The following TTC39B variants were observed in gnomAD, a reference collection of about 807,000 sequenced individuals.
TTC39B encodes tetratricopeptide repeat protein 39B.
Under a neutral mutation model 96.6 loss-of-function variants are expected in TTC39B, and 92 were observed. That is an observed-to-expected ratio of 0.95 (90% confidence interval 0.80 to 1.13). The LOEUF (loss-of-function observed/expected upper bound fraction) is 1.13. TTC39B is among the 50% of genes most tolerant of loss of function. The pLI, the probability that TTC39B is intolerant of heterozygous loss-of-function variation, is 0.00. For missense variants in TTC39B, 955 were observed against 809.3 expected, an observed-to-expected ratio of 1.18 and a Z score of -2.18; for synonymous variants, 367 against 299.4, an observed-to-expected ratio of 1.23 and a Z score of -2.33.
chr9:15,240,914 T>G (rs12377170), intron 2 of TTC39B, among the ~76,000 whole-genome samples: 26,802 of 152,214 alleles, frequency 0.18, 2,476 homozygotes, highest in Non-Finnish European at 0.21. Context: ...TGAACTGCTT[T>G]CAAACTTATT....
At chr9:15,265,862 T>G (rs994243998) in intron 2 of TTC39B, among the ~76,000 whole-genome samples, 1 of 152,102 alleles carries the variant, frequency 6.6e-6, no homozygotes, top group African/African-American at 2.4e-5. Context: ...CAATCTCAAT[T>G]AAGGGCCATT....
chr9:15,237,025 A>G (rs1210549795), intron 2 of TTC39B, among the ~76,000 whole-genome samples: 1 of 152,154 alleles, frequency 6.6e-6, no homozygotes, highest in Admixed American at 6.5e-5. Context: ...GCAAGGACTC[A>G]ATAAACTGGC....
intron 1 of TTC39B, among the ~76,000 whole-genome samples, chr9:15,274,000 A>T (rs991003331): frequency 6.6e-6 from 1 of 152,210 alleles, no homozygotes; most frequent in Non-Finnish European, 1.5e-5. Flanking sequence ...GACTGACATC[A>T]GAAGCATTAT....
chr9:15,290,995 G>C (rs751478859), intron 1 of TTC39B, among the ~76,000 whole-genome samples: 2 of 152,214 alleles, frequency 1.3e-5, no homozygotes, highest in Non-Finnish European at 2.9e-5. Flanking sequence ...AGCTGGGCGT[G>C]TTTAAGTGTA....
At chr9:15,227,742 A>AT (rs1821203376) in intron 2 of TTC39B, among the ~76,000 whole-genome samples, 1 of 152,088 alleles carries the variant, frequency 6.6e-6, no homozygotes, top group African/African-American at 2.4e-5. Flanking sequence ...TTACAGACTC[A>AT]TTTTCGAGGG....
intron 1 of TTC39B, among the ~76,000 whole-genome samples, chr9:15,283,788 T>C (rs1470831916): frequency 6.6e-6 from 1 of 152,128 alleles, no homozygotes; most frequent in Admixed American, 6.5e-5. Flanking sequence ...ATTTAATAAC[T>C]GATGCTAAGG....
At chr9:15,288,133 C>A (rs531883086) in intron 1 of TTC39B, among the ~76,000 whole-genome samples, 4 of 151,952 alleles carry the variant, frequency 2.6e-5, no homozygotes, top group Non-Finnish European at 4.4e-5. Context: ...AAAAGCATAC[C>A]AAGAATCTCA....
intron 2 of TTC39B, among the ~76,000 whole-genome samples, chr9:15,229,675 C>G (rs1821316921): frequency 6.6e-6 from 1 of 152,184 alleles, no homozygotes; most frequent in South Asian, 2.1e-4. Flanking sequence ...TCTGCAATCT[C>G]TTACACACAG....
intron 13 of TTC39B, 41 bp from the exon 14 acceptor site, chr9:15,188,173 A>G (rs1818644973): frequency 1.6e-5 from 24 of 1,532,102 alleles, no homozygotes; most frequent in Non-Finnish European, 2.0e-5. Context: ...CAGATATTAG[A>G]CAAGGAGATA....
intron 1 of TTC39B, among the ~76,000 whole-genome samples, chr9:15,279,627 G>T (rs1459368519): frequency 6.6e-6 from 1 of 152,188 alleles, no homozygotes; most frequent in Non-Finnish European, 1.5e-5. Flanking sequence ...AGAAAGATGA[G>T]TTATTATCAC....
At chr9:15,278,667 G>GT (rs1163918248) in intron 1 of TTC39B, among the ~76,000 whole-genome samples, 8 of 152,188 alleles carry the variant, frequency 5.3e-5, no homozygotes, top group Admixed American at 3.3e-4. Context: ...ACCATCACCA[G>GT]TGGAGGTATT....
intron 3 of TTC39B, among the ~76,000 whole-genome samples, chr9:15,220,290 C>G (rs537360395): frequency 4.2e-4 from 64 of 152,278 alleles, no homozygotes; most frequent in Non-Finnish European, 7.5e-4. Context: ...AGTCCAGAAT[C>G]TCAGAAGCAA....
At position 15,285,036 on chromosome 9, in the gene TTC39B, C is replaced by T. The variant is rs1353572185; in HGVS notation, c.241-17088G>A. 3.3e-5 allele frequency among the ~76,000 whole-genome samples: 5 copies of T among 152,104 alleles called. No homozygotes were observed. The East Asian group carries it at 7.7e-4, about 24-fold the overall frequency. On this transcript the variant is annotated intron_variant, in intron 1 of 19. Transcript: ENST00000512701. The stretch of plus-strand genomic sequence containing the variant: ...CAGCACTTTGGGAGGCCGAGGCGAG[C>T]GGATCACGAGGTCAGGAAATCGAGA...
chr9:15,168,417 T>TAAAAAAAAAA (rs1477821690), exon 20 of TTC39B: 1 of 22,358 alleles, frequency 4.5e-5, no homozygotes, highest in Non-Finnish European at 8.9e-5. Flanking sequence ...AGAGTATAAA[T>TAAAAAAAAAA]ACAAAAAAAA....
intron 6 of TTC39B, among the ~76,000 whole-genome samples, chr9:15,206,806 G>A (rs1819885830): frequency 1.3e-5 from 2 of 151,962 alleles, no homozygotes; most frequent in South Asian, 4.2e-4. Context: ...GGAGTACAGG[G>A]GCATGATCTG....
chr9:15,207,292 GC>G (rs1819920924), intron 6 of TTC39B, among the ~76,000 whole-genome samples: 1 of 152,132 alleles, frequency 6.6e-6, no homozygotes. Flanking sequence ...AAGCCACCAG[GC>G]CCAGCCTACT....
chr9:15,295,248 A>G (rs1168098070), intron 1 of TTC39B, among the ~76,000 whole-genome samples: 1 of 152,224 alleles, frequency 6.6e-6, no homozygotes, highest in Non-Finnish European at 1.5e-5. Flanking sequence ...TCTGTTTCCC[A>G]ACTGTACCAC....
chr9:15,186,895 C>T (rs755554261), intron 15 of TTC39B, 49 bp downstream of exon 15: 3 of 1,543,350 alleles, frequency 1.9e-6, no homozygotes, highest in Admixed American at 3.4e-5. Context: ...TGAGATTTTG[C>T]CCCTTTATAC....
intron 1 of TTC39B, among the ~76,000 whole-genome samples, chr9:15,286,008 T>C (rs574710387): frequency 6.6e-6 from 1 of 152,356 alleles, no homozygotes; most frequent in South Asian, 2.1e-4. Context: ...AACAGTATTT[T>C]TTTCCTGAAC....
Sources: gnomAD v4.1 joint callset for allele counts (sites outside exome capture counted in the v4.1 genomes callset) on GRCh38, gnomAD v4.1.1 for gene constraint, MANE v1.5 for transcripts, NCBI Gene and HGNC (gene_info 2026-07-23, HGNC 2026-07-21) for gene names.